ADGRL2: variants seen among roughly 807,000 people sequenced by gnomAD.
ADGRL2 encodes the protein adhesion G protein-coupled receptor L2.
A neutral mutation model predicts 157.4 loss-of-function variants in ADGRL2; 44 were observed. The ratio of observed to expected loss-of-function variants is 0.28; its 90% CI spans 0.22 to 0.36. The LOEUF (loss-of-function observed/expected upper bound fraction) is 0.36, where lower values mean the gene tolerates loss of function less well. ADGRL2 is among the 10% of genes least tolerant of loss of function. ADGRL2 has a pLI of 1.00. For missense variants in ADGRL2, 1,510 were observed against 1,768.9 expected (o/e 0.85, Z 2.63); for synonymous variants, 585 against 624.7 (o/e 0.94, Z 0.95).
intron 1 of ADGRL2, among the ~76,000 whole-genome samples, chr1:81,400,155 G>T (rs11808432): frequency 0.21 from 32,049 of 151,878 alleles, 3,818 homozygotes; most frequent in African/African-American, 0.32. Context: ...CTTTGGGGGG[G>T]TCCTTCTGTT....
chr1:81,985,175 T>C, intron 20 of ADGRL2, 84 bp from the exon 21 acceptor site: 1 of 698,260 alleles, frequency 1.4e-6, no homozygotes, highest in East Asian at 2.7e-5. Context: ...ATAGGTTGTT[T>C]AGGGTAAATC....
At chr1:81,328,291 T>C (rs114755311) in intron 1 of ADGRL2, among the ~76,000 whole-genome samples, 110 of 152,262 alleles carry the variant, frequency 7.2e-4, no homozygotes, top group African/African-American at 2.6e-3. Flanking sequence ...ATAATTTTCA[T>C]TGGAGGGAAG....
chr1:81,335,567 C>T (rs1483695855), intron 1 of ADGRL2, among the ~76,000 whole-genome samples: 1 of 152,108 alleles, frequency 6.6e-6, no homozygotes, highest in Non-Finnish European at 1.5e-5. Flanking sequence ...AAAGAACTAA[C>T]CCTTTTCAGA....
intron 1 of ADGRL2, among the ~76,000 whole-genome samples, chr1:81,368,012 G>A (rs2076097302): frequency 6.6e-6 from 1 of 152,128 alleles, no homozygotes; most frequent in Non-Finnish European, 1.5e-5. Context: ...CTTTATAATA[G>A]AATGATTTCG....
intron 3 of ADGRL2, among the ~76,000 whole-genome samples, chr1:81,687,581 A>C (rs9728267): frequency 0.028 from 4,338 of 152,226 alleles, 72 homozygotes; most frequent in South Asian, 0.055. Context: ...TTGGTGATTA[A>C]TTATCCATTC....
chr1:81,594,165 C>G (rs1489902832), intron 3 of ADGRL2, among the ~76,000 whole-genome samples: 1 of 152,132 alleles, frequency 6.6e-6, no homozygotes, highest in African/African-American at 2.4e-5. Context: ...ATCTGATCCC[C>G]ATCATCTGCC....
At chr1:81,809,738 T>C (rs1031926025) in intron 1 of ADGRL2, among the ~76,000 whole-genome samples, 2 of 151,814 alleles carry the variant, frequency 1.3e-5, no homozygotes, top group Non-Finnish European at 3.0e-5. Flanking sequence ...TTATAGTCTG[T>C]TTCTCTGTAT....
chr1:81,409,955 C>A (rs1359867669), intron 1 of ADGRL2, among the ~76,000 whole-genome samples: 1 of 152,102 alleles, frequency 6.6e-6, no homozygotes, highest in Non-Finnish European at 1.5e-5. Context: ...GTAAGAAGAA[C>A]CTGCTTCCCA....
intron 1 of ADGRL2, among the ~76,000 whole-genome samples, chr1:81,751,459 G>C (rs1004037680): frequency 1.3e-5 from 2 of 152,076 alleles, no homozygotes; most frequent in African/African-American, 4.8e-5. Context: ...GAAAACAAAA[G>C]AGAAACCTAA....
chr1:81,976,214 A>G (rs1660151474), intron 17 of ADGRL2, among the ~76,000 whole-genome samples: 1 of 151,842 alleles, frequency 6.6e-6, no homozygotes, highest in Non-Finnish European at 1.5e-5. Flanking sequence ...TTTTTTCTTT[A>G]GTTGGGAAAA....
intron 1 of ADGRL2, among the ~76,000 whole-genome samples, chr1:81,376,190 T>G (rs2076246665): frequency 6.6e-6 from 1 of 152,220 alleles, no homozygotes; most frequent in African/African-American, 2.4e-5. Flanking sequence ...TTCAAAACTG[T>G]AAAATCCAAA....
At chr1:81,871,813 T>C (rs1271871068) in intron 2 of ADGRL2, among the ~76,000 whole-genome samples, 1 of 152,204 alleles carries the variant, frequency 6.6e-6, no homozygotes, top group Non-Finnish European at 1.5e-5. Context: ...TTAAGTTCTT[T>C]GTAGATTCTG....
At chr1:81,717,455 T>G (rs945859721) in intron 1 of ADGRL2, among the ~76,000 whole-genome samples, 14 of 152,194 alleles carry the variant, frequency 9.2e-5, no homozygotes, top group African/African-American at 3.4e-4. Flanking sequence ...TGAAGTGAAA[T>G]GTCAATAGGC....
intron 3 of ADGRL2, among the ~76,000 whole-genome samples, chr1:81,910,923 C>T (rs1222233745): frequency 6.6e-6 from 1 of 151,674 alleles, no homozygotes; most frequent in Admixed American, 6.6e-5. Context: ...TGAAAGCCCC[C>T]CTTCCTTTTT....
intron 2 of ADGRL2, among the ~76,000 whole-genome samples, chr1:81,884,173 A>T (rs1470999480): frequency 6.6e-6 from 1 of 151,934 alleles, no homozygotes; most frequent in Non-Finnish European, 1.5e-5. Context: ...TTTTGTAGAG[A>T]CGGGGTTTTG....
At chr1:81,539,795 G>C (rs1402163661) in intron 2 of ADGRL2, among the ~76,000 whole-genome samples, 1 of 148,440 alleles carries the variant, frequency 6.7e-6, no homozygotes, top group East Asian at 2.0e-4. Flanking sequence ...CTGTATTCCA[G>C]CAATGAAAAG....
intron 2 of ADGRL2, among the ~76,000 whole-genome samples, chr1:81,792,923 T>C (rs1571242115): frequency 6.6e-6 from 1 of 152,226 alleles, no homozygotes; most frequent in East Asian, 1.9e-4. Flanking sequence ...CTAGTAATCA[T>C]TAGTCCTGAA....
chr1:81,869,697 A>G (rs534876814), intron 2 of ADGRL2, among the ~76,000 whole-genome samples: 8 of 149,492 alleles, frequency 5.4e-5, no homozygotes, highest in Non-Finnish European at 8.9e-5. Context: ...CTGTTGATTA[A>G]ATGTATGTAA....
chr1:81,466,692 CAT>C (rs1553167504), intron 2 of ADGRL2, among the ~76,000 whole-genome samples: 5 of 151,482 alleles, frequency 3.3e-5, no homozygotes, highest in African/African-American at 9.7e-5. Flanking sequence ...CACACACACA[CAT>C]ACACACTATG....
Sources: gnomAD v4.1 joint callset for allele counts (sites outside exome capture counted in the v4.1 genomes callset) on GRCh38, gnomAD v4.1.1 for gene constraint, MANE v1.5 for transcripts, NCBI Gene and HGNC (gene_info 2026-07-23, HGNC 2026-07-21) for gene names.